Variants in UQCC1 observed in about 807,000 individuals in gnomAD.
UQCC1 encodes ubiquinol-cytochrome c reductase complex assembly factor 1.
A neutral mutation model predicts 48.0 loss-of-function variants in UQCC1; 38 were observed. That is an observed-to-expected ratio of 0.79 (90% CI 0.61 to 1.04). The LOEUF (loss-of-function observed/expected upper bound fraction) is 1.04, where lower values mean the gene tolerates loss of function less well. Among genes scored for constraint, UQCC1 ranks in the 50% least tolerant of loss-of-function variants. The pLI, the probability that UQCC1 is intolerant of heterozygous loss-of-function variation, is 0.00. For synonymous variants in UQCC1, 111 were observed against 129.2 expected (o/e 0.86, Z 0.95); for missense variants, 368 against 381.8 (o/e 0.96, Z 0.30).
At chr20:35,346,516 G>A (rs1346957344) in intron 7 of UQCC1, 1 of 158,126 alleles carries the variant, frequency 6.3e-6, no homozygotes, top group Non-Finnish European at 1.4e-5. Flanking sequence ...GCGAGACCAA[G>A]AACCCACCAC....
At chr20:35,315,463 C>CAGAGGTGGGA (rs2061046635) in intron 7 of UQCC1, 1 of 151,960 alleles carries the variant, frequency 6.6e-6, no homozygotes, top group Non-Finnish European at 1.5e-5. Context: ...AGGAAGTGGT[C>CAGAGGTGGGA]AGAGGTGGGA....
intron 2 of UQCC1, among the ~76,000 whole-genome samples, chr20:35,387,305 T>TA (rs200205241): frequency 0.018 from 2,800 of 151,562 alleles, 36 homozygotes; most frequent in Non-Finnish European, 0.025. Flanking sequence ...AAATAAAAAA[T>TA]AAAAAAACAA....
intron 1 of UQCC1, among the ~76,000 whole-genome samples, chr20:35,410,717 AAAAAAAAC>A (rs1215392559): frequency 5.1e-5 from 6 of 117,902 alleles, no homozygotes; most frequent in Non-Finnish European, 8.5e-5. Context: ...AAAAAAAAAA[AAAAAAAAC>A]AAAACCCTAA....
At chr20:35,384,966 C>CAAAAA (rs57141083) in intron 2 of UQCC1, among the ~76,000 whole-genome samples, 9 of 69,762 alleles carry the variant, frequency 1.3e-4, no homozygotes, top group African/African-American at 4.4e-4. Context: ...GAATCGGTCT[C>CAAAAA]AAAAAAAAAA....
intron 6 of UQCC1, among the ~76,000 whole-genome samples, chr20:35,353,172 G>A (rs1251410375): frequency 6.6e-6 from 1 of 151,962 alleles, no homozygotes; most frequent in African/African-American, 2.4e-5. Flanking sequence ...GGAGGCCGAG[G>A]CAGGTGGATT....
intron 3 of UQCC1, among the ~76,000 whole-genome samples, chr20:35,382,489 A>ATTTTCTTTTTTTTTTCTT (rs1165629207): frequency 8.3e-6 from 1 of 119,822 alleles, no homozygotes; most frequent in East Asian, 2.3e-4. Flanking sequence ...ACAATTTTTA[A>ATTTTCTTTTTTTTTTCTT]TTTTCTTTTT....
chr20:35,388,781 G>A (rs949312360), intron 2 of UQCC1, among the ~76,000 whole-genome samples: 27 of 152,096 alleles, frequency 1.8e-4, no homozygotes, highest in Admixed American at 3.3e-4. Flanking sequence ...AGAAGGAATC[G>A]GGGCTGGGTG....
chr20:35,340,977 C>T (rs761857612), intron 7 of UQCC1, among the ~76,000 whole-genome samples: 1 of 151,810 alleles, frequency 6.6e-6, no homozygotes, highest in Admixed American at 6.6e-5. Flanking sequence ...GCCTGTAATC[C>T]CAGCACTTTG....
At chr20:35,370,643 T>C (rs1445540056) in intron 5 of UQCC1, among the ~76,000 whole-genome samples, 1 of 152,164 alleles carries the variant, frequency 6.6e-6, no homozygotes, top group Non-Finnish European at 1.5e-5. Context: ...GTAGCGTTAC[T>C]AAAAAATTTA....
In UQCC1 at chr20:35,306,545, G is replaced by A. The variant is rs924221066; in HGVS notation, c.765+121C>T. The A allele has an allele frequency of 4.0e-6, 3 of 745,052 alleles. No individual in the cohort carries two copies. In the African/African-American group the frequency reaches 5.2e-5, roughly 13 times the overall value. The allele number at this position is 745,052 out of a possible 1,614,324, so 46.2% of individuals were successfully genotyped here. A position where few individuals can be genotyped will look rare whatever the true frequency, so the allele number is the denominator to read the frequency against. Reference sequence around the variant, plus strand: ...CTTCTTCAGCGTCTAGTGCTGATGTGATCTGGTCAGAATTCTCTCAGGCTG... The same window carrying A: ...CTTCTTCAGCGTCTAGTGCTGATGTAATCTGGTCAGAATTCTCTCAGGCTG... On this transcript the variant is annotated intron_variant, in intron 9 of 9. Coordinates refer to ENST00000374385, the MANE Select transcript of UQCC1 (RefSeq NM_018244.5).
chr20:35,379,554 A>G (rs2061841775), intron 4 of UQCC1, among the ~76,000 whole-genome samples: 1 of 152,256 alleles, frequency 6.6e-6, no homozygotes, highest in South Asian at 2.1e-4. Context: ...CTATAATCCC[A>G]GCACTTTGGG....
chr20:35,356,094 G>A (rs62211528), intron 6 of UQCC1, among the ~76,000 whole-genome samples: 5,755 of 152,258 alleles, frequency 0.038, 191 homozygotes, highest in Non-Finnish European at 0.068. Flanking sequence ...TCGCCACGTT[G>A]CCGAGGCTGG....
intron 2 of UQCC1, among the ~76,000 whole-genome samples, chr20:35,387,381 T>C (rs770270756): frequency 1.3e-4 from 20 of 152,152 alleles, no homozygotes; most frequent in Non-Finnish European, 2.6e-4. Context: ...TTGAATACCA[T>C]GGGCGTGTGT....
chr20:35,395,068 C>T (rs1365795331), intron 1 of UQCC1, among the ~76,000 whole-genome samples: 1 of 152,010 alleles, frequency 6.6e-6, no homozygotes, highest in Non-Finnish European at 1.5e-5. Flanking sequence ...GCTTGCTCTC[C>T]GGGTGTGCCA....
intron 7 of UQCC1, chr20:35,315,344 G>A (rs2146310327): frequency 6.6e-6 from 1 of 152,650 alleles, no homozygotes; most frequent in African/African-American, 2.4e-5. Context: ...CGCAGGGAGG[G>A]TGTCAGGGAG....
At chr20:35,336,720 TAACTGCTATGGGA>T (rs1440635624) in intron 7 of UQCC1, among the ~76,000 whole-genome samples, 1 of 152,216 alleles carries the variant, frequency 6.6e-6, no homozygotes, top group Non-Finnish European at 1.5e-5. Flanking sequence ...TAATCTGCTG[TAACTGCTATGGGA>T]AACTATCTCT....
intron 1 of UQCC1, among the ~76,000 whole-genome samples, chr20:35,410,778 C>A (rs1339105321): frequency 5.8e-4 from 56 of 95,996 alleles, no homozygotes; most frequent in African/African-American, 2.3e-3. Flanking sequence ...AAAAAAAAAA[C>A]CACTAAATTC....
chr20:35,391,916 A>G (rs2062018837), intron 2 of UQCC1, among the ~76,000 whole-genome samples: 1 of 152,216 alleles, frequency 6.6e-6, no homozygotes, highest in Non-Finnish European at 1.5e-5. Context: ...TTCAAAATTT[A>G]AAAAATATTT....
intron 7 of UQCC1, among the ~76,000 whole-genome samples, chr20:35,336,522 G>A (rs2061318291): frequency 6.6e-6 from 1 of 152,174 alleles, no homozygotes. Flanking sequence ...AGAAATTGCA[G>A]TGATGCAGCC....
Sources: gnomAD v4.1 joint callset for allele counts (sites outside exome capture counted in the v4.1 genomes callset) on GRCh38, gnomAD v4.1.1 for gene constraint, MANE v1.5 for transcripts, NCBI Gene and HGNC (gene_info 2026-07-23, HGNC 2026-07-21) for gene names.